The following MYOM1 variants were observed in gnomAD, a reference collection of about 807,000 sequenced individuals.
The protein encoded by MYOM1 is myomesin 1.
Under a neutral mutation model 205.3 loss-of-function variants are expected in MYOM1, and 164 were observed. The observed-to-expected ratio is 0.80, with a 90% CI of 0.70 to 0.91. MYOM1 has a LOEUF of 0.91. Ranked by LOEUF, MYOM1 falls within the 40% of genes least tolerant of loss-of-function variation. The pLI is 0.00. For synonymous variants in MYOM1, 772 were observed against 789.4 expected (o/e 0.98, Z 0.37); for missense variants, 2,011 against 2,127.3 (o/e 0.95, Z 1.08).
At position 3,179,311 on chromosome 18, in the gene MYOM1, G is replaced by C. The variant is rs1339426897; in HGVS notation, c.930-3177C>G. On this transcript the variant is annotated intron_variant, in intron 5 of 37. Transcript: ENST00000356443. This position sits in a 1 kb window ranked among gnomAD's most constrained non-coding sequence, Gnocchi z 4.4. ...ATTGTAGCTTCATAATTTTTTGTCT[G>C]AGAGAACAGAGTTCTGACAAGCATA... Among the ~76,000 whole-genome samples the C allele has an allele frequency of 6.6e-6, 1 of 152,140 alleles. No homozygotes were observed. The highest frequency in any genetic ancestry group is 1.5e-5 in the Non-Finnish European group (1 of 68,024).
At chr18:3,099,711 G>C (rs113526780) in intron 25 of MYOM1, among the ~76,000 whole-genome samples, 1 of 152,220 alleles carries the variant, frequency 6.6e-6, no homozygotes, top group African/African-American at 2.4e-5. Context: ...TTTTCCAGGA[G>C]TTGAAAATGG....
rs2080954644 is a variant in MYOM1 at position 3,193,851 on chromosome 18, G to C, written c.398C>G (p.Pro133Arg). The change falls in exon 3 of 38, where the codon CCC (proline) becomes CGC (arginine). Residue 133 changes from proline (P) to arginine (R), a missense_variant. By Grantham distance (103) the Pro-to-Arg change is moderately radical. Transcript: ENST00000356443. ...LLSGEEKENL[P>R]SDYMVPIFSG... is the part of the protein sequence containing the mutation. ...GAAAATGGGTACCATGTAGTCACTG[G>C]GCAAATTTTCTTTCTCTTCTCCAGA... 6.2e-7 allele frequency: 1 copy of C among 1,613,642 alleles called. No individual in the cohort carries two copies. Among genetic ancestry groups the C allele is most frequent in the East Asian group, 2.2e-5 (1 of 44,866 alleles).
Position 3,134,735 on chromosome 18 carries a change from C to A in MYOM1, c.2299G>T (p.Glu767Ter), listed in dbSNP as rs911618261. 1.6e-5 allele frequency: 26 copies of A among 1,613,838 alleles called. No individual in the cohort carries two copies. Among genetic ancestry groups the A allele is most frequent in the Non-Finnish European group, 2.2e-5 (26 of 1,179,884 alleles). The change falls in exon 16 of 38, where the codon GAG becomes TAG. Residue 767 changes from glutamate to a stop codon, truncating the protein, a stop_gained. Coordinates refer to ENST00000356443, the MANE Select transcript of MYOM1 (RefSeq NM_003803.4). LOFTEE classifies it high-confidence loss of function. The part of the protein sequence containing the change: ...VSWEESKDAK[E>*]LVGYYIEASV... ...GCCTCTATGTAGTACCCGACCAGCT[C>A]TTTGGCATCTTTGGACTCCTCCCAC...
At chr18:3,080,869 C>T (rs1394848193) in intron 33 of MYOM1, among the ~76,000 whole-genome samples, 1 of 152,110 alleles carries the variant, frequency 6.6e-6, no homozygotes. Flanking sequence ...CGTGGTGGCT[C>T]ACGCCTGTAA....
chr18:3,186,800 AAG>A (rs752680596), intron 5 of MYOM1, among the ~76,000 whole-genome samples: 1,284 of 84,022 alleles, frequency 0.015, 10 homozygotes, highest in Middle Eastern at 0.026. Flanking sequence ...GAAAGAAAGA[AAG>A]AGAAAGAAAG....
chr18:3,151,455 TAATAAAATAAAATAAAATA>T (rs1403468484), intron 12 of MYOM1, among the ~76,000 whole-genome samples: 69 of 139,242 alleles, frequency 5.0e-4, no homozygotes, highest in African/African-American at 1.5e-3. Context: ...AAATATAAAA[TAATAAAATAAAATAAAATA>T]AATAAAATAA....
rs1143658 is a variant in MYOM1, at chr18:3,067,544, G to A, written c.4776C>T (p.Leu1592=). 3 of 1,611,532 alleles carry A rather than the reference G, an allele frequency of 1.9e-6. No individual in the cohort carries two copies. The highest frequency in any genetic ancestry group is 1.1e-5 in the South Asian group (1 of 91,052). Residue 1592 remains leucine, a synonymous_variant, in exon 38 of 38, where the codon CTC becomes CTT. Coordinates refer to ENST00000356443, the MANE Select transcript of MYOM1 (RefSeq NM_003803.4). The part of the protein sequence containing the change: ...VTIQEGKALN[L]TCNVWGDPPP... ...GCGGGTCTCCCCACACGTTGCAAGT[G>A]AGATTAAGGGCCTGCAAGACAGGTT...
At chr18:3,159,864 T>C (rs2080355691) in intron 10 of MYOM1, among the ~76,000 whole-genome samples, 1 of 150,096 alleles carries the variant, frequency 6.7e-6, no homozygotes, top group Non-Finnish European at 1.5e-5. Context: ...GTGATGTAAA[T>C]TTTCTTTCTT....
intron 16 of MYOM1, 94 bp downstream of exon 16, chr18:3,134,556 T>A (rs566509742): frequency 1.0e-4 from 142 of 1,358,862 alleles, no homozygotes; most frequent in South Asian, 5.1e-4. Context: ...GTAAAATTTT[T>A]TAAAAAAATC....
Position 3,129,532 on chromosome 18 carries a change from G to A in MYOM1, c.2507-13C>T, listed in dbSNP as rs904584745. ...GACACTCCTCCCCCTACAGTTGCCA[G>A]ACAACAACAGAAACGCATTGAGCCC... On this transcript the variant is annotated splice_polypyrimidine_tract_variant and intron_variant, in intron 17 of 37. Coordinates refer to ENST00000356443, the MANE Select transcript of MYOM1 (RefSeq NM_003803.4). 1 of 1,598,628 alleles carries A rather than the reference G, an allele frequency of 6.3e-7. No individual in the cohort carries two copies. Among genetic ancestry groups the A allele is most frequent in the African/African-American group, 1.3e-5 (1 of 74,448 alleles).
intron 5 of MYOM1, among the ~76,000 whole-genome samples, chr18:3,183,208 C>T (rs891405449): frequency 4.6e-5 from 7 of 152,116 alleles, no homozygotes; most frequent in Non-Finnish European, 5.9e-5. Flanking sequence ...GGATTACAGG[C>T]GTGGGCCACC....
intron 10 of MYOM1, among the ~76,000 whole-genome samples, chr18:3,163,678 TC>T (rs2144046160): frequency 6.6e-6 from 1 of 152,090 alleles, no homozygotes. Flanking sequence ...GGTCTTGAAC[TC>T]CTGAGCTCAA....
intron 14 of MYOM1, among the ~76,000 whole-genome samples, chr18:3,141,525 C>A (rs1260588954): frequency 1.3e-5 from 2 of 152,186 alleles, no homozygotes; most frequent in Non-Finnish European, 1.5e-5. Context: ...TCCGTTACCC[C>A]CTCCCTTCTA....
In MYOM1 at chr18:3,164,368, G is replaced by A. The variant is rs2080439340; in HGVS notation, c.1411C>T (p.His471Tyr). The A allele has an allele frequency of 6.2e-7, 1 of 1,612,108 alleles. No homozygotes were observed. Among genetic ancestry groups the A allele is most frequent in the Non-Finnish European group, 8.5e-7 (1 of 1,178,992 alleles). Residue 471 changes from histidine to tyrosine, a missense_variant, in exon 10 of 38, where the codon CAT becomes TAT. By Grantham distance (83) the His-to-Tyr change is moderately conservative. Coordinates refer to ENST00000356443, the MANE Select transcript of MYOM1 (RefSeq NM_003803.4). The part of the protein sequence containing the change: ...SGERATLTFS[H>Y]LNKEDEGLYT... ...AGGCCTTCATCTTCTTTGTTGAGATGGGAAAATGTCAGCGTTGCCCGCTCT... is the reference window on the plus strand; with the variant it reads ...AGGCCTTCATCTTCTTTGTTGAGATAGGAAAATGTCAGCGTTGCCCGCTCT...
Position 3,131,376 on chromosome 18 carries a change from A to G in MYOM1, c.2505T>C (p.Ile835=), listed in dbSNP as rs1485179981. ...DSEAIEVKAA[I]GGGVSPDVCP... The stretch of plus-strand genomic sequence containing the variant: ...TACAGTTATGCATAAGGAACTTACC[A>G]ATAGCAGCTTTGACTTCAATAGCTT... The change falls in exon 17 of 38, where the codon ATT becomes ATC. Residue 835 remains isoleucine (I), a splice_region_variant and synonymous_variant. Coordinates refer to ENST00000356443, the MANE Select transcript of MYOM1 (RefSeq NM_003803.4). 6.2e-7 allele frequency: 1 copy of G among 1,613,920 alleles called. No individual in the cohort carries two copies. The highest frequency in any genetic ancestry group is 8.5e-7 in the Non-Finnish European group (1 of 1,179,834).
intron 25 of MYOM1, among the ~76,000 whole-genome samples, chr18:3,098,108 C>T (rs755573861): frequency 5.3e-5 from 8 of 152,078 alleles, no homozygotes; most frequent in Non-Finnish European, 1.2e-4. Flanking sequence ...TGTCAATGTT[C>T]GAGAGTAGAA....
intron 8 of MYOM1, among the ~76,000 whole-genome samples, chr18:3,169,717 A>T (rs1055734997): frequency 3.3e-5 from 5 of 152,328 alleles, no homozygotes; most frequent in Non-Finnish European, 7.4e-5. Flanking sequence ...AATTAGTACA[A>T]CCACTATGGA....
At chr18:3,130,645 G>A (rs542107596) in intron 17 of MYOM1, among the ~76,000 whole-genome samples, 1 of 151,748 alleles carries the variant, frequency 6.6e-6, no homozygotes, top group African/African-American at 2.4e-5. Context: ...TTTTAGAAAT[G>A]GGATTTCACT....
chr18:3,220,110 G>C (rs2081314687), upstream of MYOM1: 1 of 152,194 alleles, frequency 6.6e-6, no homozygotes, highest in South Asian at 2.1e-4. Flanking sequence ...CATAATGCCG[G>C]TCAATGGGTC....
Sources: gnomAD v4.1 joint callset for allele counts (sites outside exome capture counted in the v4.1 genomes callset) on GRCh38, gnomAD v4.1.1 for gene constraint, Gnocchi (gnomAD v3.1) non-coding constraint, MANE v1.5 for transcripts, NCBI Gene and HGNC (gene_info 2026-07-23, HGNC 2026-07-21) for gene names.